The following IRF2 variants were observed in gnomAD, a reference collection of about 807,000 sequenced individuals.
The protein encoded by IRF2 is interferon regulatory factor 2.
A neutral mutation model predicts 40.6 loss-of-function variants in IRF2; 15 were observed. That is an observed-to-expected ratio of 0.37 (90% confidence interval 0.25 to 0.57). IRF2 has a LOEUF of 0.57. IRF2 is among the 20% of genes least tolerant of loss of function. The probability of loss-of-function intolerance (pLI) is 0.77; values close to 1 mark genes in which losing one functional copy is unlikely to be tolerated. For missense variants in IRF2, 317 were observed against 455.7 expected (o/e 0.70, Z 2.77); for synonymous variants, 151 against 165.5 (o/e 0.91, Z 0.67).
chr4:184,418,748 AT>A, intron 3 of IRF2, 40 bp from the exon 4 acceptor site: 1 of 1,550,416 alleles, frequency 6.4e-7, no homozygotes, highest in Non-Finnish European at 8.8e-7. Context: ...GAGAGAAAAC[AT>A]TAGATACAGA....
chr4:184,441,765 A>G (rs1411687507), intron 1 of IRF2, among the ~76,000 whole-genome samples: 1 of 152,222 alleles, frequency 6.6e-6, no homozygotes, highest in Non-Finnish European at 1.5e-5. Flanking sequence ...CGTTAAGAGG[A>G]TAAGCTCACC....
chr4:184,397,077 G>A (rs540827071), intron 7 of IRF2, among the ~76,000 whole-genome samples: 19 of 152,358 alleles, frequency 1.2e-4, no homozygotes, highest in South Asian at 6.2e-4. Context: ...GGACTGGCAC[G>A]TGTAAGAGTC....
At position 184,408,756 on chromosome 4, in the gene IRF2, T is replaced by C. The variant is rs558580373; in HGVS notation, c.412-481A>G. Among the ~76,000 whole-genome samples the C allele has an allele frequency of 7.9e-5, 12 of 152,308 alleles. No homozygotes were observed. The South Asian group carries it at 8.3e-4, about 11-fold the overall frequency. On this transcript the variant is annotated intron_variant, in intron 5 of 8. Transcript: ENST00000393593. The surrounding 1 kb of genome is among the most constrained non-coding windows in gnomAD (Gnocchi z 4.9). ...CCCAAGAACAGGAGCCCAGAGGACA[T>C]TGTAGATGAATTCTCTGCAGATAAG...
intron 7 of IRF2, among the ~76,000 whole-genome samples, chr4:184,396,865 G>A (rs1488047084): frequency 6.6e-6 from 1 of 152,180 alleles, no homozygotes; most frequent in African/African-American, 2.4e-5. Flanking sequence ...CACTTTGGGA[G>A]GCTGAGGCGA....
Position 184,428,641 on chromosome 4 carries a change from A to G in IRF2, c.87+337T>C, listed in dbSNP as rs28594675. ...GGCGAGATCCCAGCTCTACAAAAAA[A>G]TACAAAAATTGGCCAGGTGTGGTGA... On this transcript the variant is annotated intron_variant, in intron 2 of 8. Coordinates refer to ENST00000393593, the MANE Select transcript of IRF2 (RefSeq NM_002199.4). 2,598 of 450,228 alleles carry G rather than the reference A, an allele frequency of 5.8e-3. 64 individuals are homozygous for G. The highest frequency in any genetic ancestry group is 0.045 in the African/African-American group (2,279 of 50,162). The allele number at this position is 450,228 out of a possible 1,614,324, so 27.9% of individuals were successfully genotyped here.
intron 1 of IRF2, among the ~76,000 whole-genome samples, chr4:184,471,730 A>G (rs939047944): frequency 2.9e-4 from 44 of 152,214 alleles, no homozygotes; most frequent in Non-Finnish European, 2.9e-5. Context: ...TTTGCCTAAT[A>G]AAGTGTTTCA....
At chr4:184,446,656 T>G (rs1430052891) in intron 1 of IRF2, among the ~76,000 whole-genome samples, 1 of 152,184 alleles carries the variant, frequency 6.6e-6, no homozygotes, top group East Asian at 1.9e-4. Flanking sequence ...TGATTTGAAT[T>G]TGTGCTTTTT....
intron 1 of IRF2, among the ~76,000 whole-genome samples, chr4:184,457,155 G>A (rs1160158358): frequency 9.9e-5 from 15 of 152,252 alleles, no homozygotes; most frequent in Admixed American, 9.8e-4. Flanking sequence ...TGTGTTATGT[G>A]ACAAATGGGA....
intron 1 of IRF2, among the ~76,000 whole-genome samples, chr4:184,463,001 T>G (rs1003763361): frequency 1.3e-5 from 2 of 152,232 alleles, no homozygotes; most frequent in African/African-American, 4.8e-5. Flanking sequence ...CTCAAATAAC[T>G]TACCACATAG....
Position 184,398,954 on chromosome 4 carries a change from G to T in IRF2, c.655C>A (p.Leu219Ile). ...ACGGGGGAGATCTGCAGAGGGTAGA[G>T]CTCGCTCATGCTGACCGGCTGCTCG... ...SDEQPVSMSELYPLQISPVSS... is the reference protein window; with the variant it reads ...SDEQPVSMSEIYPLQISPVSS... The change falls in exon 7 of 9, where the codon CTC (leucine) becomes ATC (isoleucine). Residue 219 changes from leucine (L) to isoleucine (I), a missense_variant. Physicochemically the swap from Leu to Ile is conservative, Grantham distance 5. This residue lies in a region of IRF2 where 262 missense variants were observed against 334.0 expected (regional missense o/e 0.78). Transcript: ENST00000393593. 1 of 1,611,072 alleles carries T rather than the reference G, an allele frequency of 6.2e-7. No individual in the cohort carries two copies. The highest frequency in any genetic ancestry group is 1.7e-5 in the Admixed American group (1 of 59,754).
intron 1 of IRF2, among the ~76,000 whole-genome samples, chr4:184,438,124 C>T (rs11723606): frequency 0.17 from 25,947 of 152,116 alleles, 2,664 homozygotes; most frequent in Non-Finnish European, 0.23. Flanking sequence ...GCCTTTCATG[C>T]GTTATTTCAC....
At chr4:184,439,846 T>C (rs1467934978) in intron 1 of IRF2, among the ~76,000 whole-genome samples, 1 of 152,230 alleles carries the variant, frequency 6.6e-6, no homozygotes. Context: ...CCTATGTGTG[T>C]GTGCACAAAA....
At chr4:184,466,060 G>GTTTTTTTTTTTTT (rs750400403) in intron 1 of IRF2, among the ~76,000 whole-genome samples, 3 of 109,700 alleles carry the variant, frequency 2.7e-5, no homozygotes, top group African/African-American at 9.1e-5. Context: ...GTTGTTTTTT[G>GTTTTTTTTTTTTT]TTTTTTGTTT....
At chr4:184,466,595 G>A (rs932285869) in intron 1 of IRF2, among the ~76,000 whole-genome samples, 2 of 152,172 alleles carry the variant, frequency 1.3e-5, no homozygotes, top group Non-Finnish European at 2.9e-5. Flanking sequence ...AGGCCTAAGA[G>A]AGCTATTACC....
At chr4:184,412,744 C>T (rs1737123206) in intron 5 of IRF2, among the ~76,000 whole-genome samples, 1 of 152,146 alleles carries the variant, frequency 6.6e-6, no homozygotes, top group African/African-American at 2.4e-5. Flanking sequence ...AGGCCATCGT[C>T]ATTCTCTTCC....
At position 184,393,778 on chromosome 4, in the gene IRF2, C is replaced by A. The variant is rs574813905; in HGVS notation, c.695-3029G>T. 1.2e-4 allele frequency among the ~76,000 whole-genome samples: 18 copies of A among 152,208 alleles called. No individual in the cohort carries two copies. The Middle Eastern group carries it at 0.02, about 173-fold the overall frequency. ...AGTTTCAAAAAGGGGCCTTCAGTAC[C>A]TTAGCTTAGGAGCAGAGAACCCTGA... On this transcript the variant is annotated intron_variant, in intron 7 of 8. Transcript: ENST00000393593.
At chr4:184,471,110 C>G (rs947391753) in intron 1 of IRF2, among the ~76,000 whole-genome samples, 1 of 152,142 alleles carries the variant, frequency 6.6e-6, no homozygotes, top group Non-Finnish European at 1.5e-5. Context: ...GATTATCTGG[C>G]CTTTTTACAC....
At chr4:184,399,101 C>T in intron 6 of IRF2, 22 bp from the exon 7 acceptor site, 2 of 1,566,104 alleles carry the variant, frequency 1.3e-6, no homozygotes, top group Non-Finnish European at 1.7e-6. Context: ...AGACAGCCAT[C>T]ATGCAAAGTC....
chr4:184,399,045 C>T lies in IRF2; in HGVS notation c.564G>A (p.Glu188=), dbSNP rs776132166. The T allele has an allele frequency of 1.1e-5, 18 of 1,611,486 alleles. No individual in the cohort carries two copies. The highest frequency in any genetic ancestry group is 1.4e-5 in the Non-Finnish European group (16 of 1,178,788). The part of the protein sequence containing the change: ...VGQSHLDSNI[E]NQEIVTNPPD... ...GCGGATTGGTGACAATCTCTTGATT[C>T]TCAATGTTGCTGTCCAGATGGGACT... Residue 188 remains glutamate, a synonymous_variant, in exon 7 of 9, where the codon GAG becomes GAA. Coordinates refer to ENST00000393593, the MANE Select transcript of IRF2 (RefSeq NM_002199.4).
Sources: allele counts gnomAD v4.1 joint callset (sites outside exome capture counted in the v4.1 genomes callset), GRCh38; gene constraint gnomAD v4.1.1; regional missense constraint gnomAD v4.1.1; non-coding constraint Gnocchi (gnomAD v3.1); transcripts MANE v1.5; gene names NCBI Gene and HGNC (gene_info 2026-07-23, HGNC 2026-07-21).